The following DHX29 variants were observed in gnomAD, a reference collection of about 807,000 sequenced individuals.
DHX29 encodes ATP-dependent RNA helicase DHX29.
DHX29 carries 79 observed loss-of-function variants against 167.9 expected under a neutral mutation model. That is an observed-to-expected ratio of 0.47 (90% CI 0.39 to 0.57). The LOEUF (loss-of-function observed/expected upper bound fraction) is 0.57. Ranked by LOEUF, DHX29 falls within the 20% of genes least tolerant of loss-of-function variation. DHX29 has a pLI of 0.00. For missense variants in DHX29, 1,347 were observed against 1,593.4 expected (o/e 0.85, Z 2.63); for synonymous variants, 530 against 546.0 (o/e 0.97, Z 0.41).
chr5:55,259,365 T>C (rs899201460), intron 26 of DHX29, among the ~76,000 whole-genome samples: 1 of 152,178 alleles, frequency 6.6e-6, no homozygotes, highest in African/African-American at 2.4e-5. Flanking sequence ...ATAAAGTAGA[T>C]GGGATTTTTT....
intron 22 of DHX29, among the ~76,000 whole-genome samples, 172 bp downstream of exon 22, chr5:55,267,514 G>A (rs1408815302): frequency 2.0e-5 from 3 of 151,974 alleles, no homozygotes; most frequent in Non-Finnish European, 4.4e-5. Context: ...TAAGTTTTAG[G>A]AAGGATTATA....
intron 1 of DHX29, among the ~76,000 whole-genome samples, chr5:55,302,592 C>CAAA (rs3990285): frequency 8.8e-5 from 6 of 68,296 alleles, no homozygotes; most frequent in East Asian, 3.7e-4. Flanking sequence ...GTGACCCTAT[C>CAAA]AAAAAAAAAA....
Position 55,289,326 on chromosome 5 carries a change from C to T in DHX29, c.1010G>A (p.Ser337Asn), listed in dbSNP as rs761747420. The T allele has an allele frequency of 6.3e-6, 10 of 1,594,050 alleles. No homozygotes were observed. The African/African-American group carries it at 1.2e-4, about 20-fold the overall frequency. Residue 337 changes from serine to asparagine, a missense_variant, in exon 8 of 27, where the codon AGT (serine) becomes AAT (asparagine). This residue lies in a region of DHX29 where 405 missense variants were observed against 416.8 expected (regional missense o/e 0.97). Transcript: ENST00000251636. ...KKPPVATEGESALNFNLFEKS... is the reference protein window; with the variant it reads ...KKPPVATEGENALNFNLFEKS... ...TTCAAATAAATTAAAATTCAATGCA[C>T]TTTCTCCTTCTGTGGCTACAGGAGG...
At chr5:55,293,345 G>T (rs917371322) in intron 6 of DHX29, among the ~76,000 whole-genome samples, 1 of 152,128 alleles carries the variant, frequency 6.6e-6, no homozygotes, top group Non-Finnish European at 1.5e-5. Flanking sequence ...TATGAGAAAG[G>T]ACCAGTTTTC....
chr5:55,297,206 A>G (rs1401533959), intron 3 of DHX29, 79 bp downstream of exon 3: 1 of 674,256 alleles, frequency 1.5e-6, no homozygotes, highest in African/African-American at 1.8e-5. Context: ...GAAGTTGTAA[A>G]GCCATTTTTA....
intron 8 of DHX29, 112 bp downstream of exon 8, chr5:55,289,158 C>T (rs1427863309): frequency 5.9e-6 from 7 of 1,191,174 alleles, no homozygotes; most frequent in Non-Finnish European, 7.7e-6. Context: ...TGTAACTTCA[C>T]TGCCATCTTA....
chr5:55,259,543 G>A lies in DHX29; in HGVS notation c.4057+305C>T, dbSNP rs146432126. On this transcript the variant is annotated intron_variant, in intron 26 of 26. Coordinates refer to ENST00000251636, the MANE Select transcript of DHX29 (RefSeq NM_019030.4). ...GATCTTGGCGCTCACTGCAACCTAC[G>A]CCTCTCAGGTTCAAGTGATTCTTGT... 2.5e-3 allele frequency among the ~76,000 whole-genome samples: 383 copies of A among 152,144 alleles called. 12 individuals carry two copies. The East Asian group carries it at 0.07, about 28-fold the overall frequency.
intron 25 of DHX29, among the ~76,000 whole-genome samples, chr5:55,260,711 T>TC (rs1052594750): frequency 3.3e-5 from 5 of 152,204 alleles, no homozygotes; most frequent in Admixed American, 1.3e-4. Flanking sequence ...ACCTCTCCAG[T>TC]CCTAGACAAA....
At chr5:55,277,353 A>C in intron 12 of DHX29, 71 bp from the exon 13 acceptor site, 1 of 998,452 alleles carries the variant, frequency 1.0e-6, no homozygotes, top group Non-Finnish European at 1.4e-6. Flanking sequence ...TTGAACAATC[A>C]GACACCCAGA....
chr5:55,294,837 C>A, intron 5 of DHX29: 1 of 152,414 alleles, frequency 6.6e-6, no homozygotes, highest in Non-Finnish European at 1.5e-5. Flanking sequence ...TTTTCTTCCA[C>A]AGACTCTGGG....
chr5:55,276,636 T>C (rs1201816471), intron 13 of DHX29, among the ~76,000 whole-genome samples: 1 of 152,150 alleles, frequency 6.6e-6, no homozygotes, highest in African/African-American at 2.4e-5. Context: ...TATACACATA[T>C]AATGTGAAAC....
intron 8 of DHX29, among the ~76,000 whole-genome samples, chr5:55,288,061 G>A: frequency 6.6e-6 from 1 of 151,276 alleles, no homozygotes; most frequent in East Asian, 1.9e-4. Flanking sequence ...TGGTCAACAT[G>A]GCGAAACCCC....
intron 26 of DHX29, among the ~76,000 whole-genome samples, chr5:55,257,764 C>T (rs1467601860): frequency 2.0e-5 from 3 of 152,206 alleles, no homozygotes; most frequent in African/African-American, 7.2e-5. Context: ...CTACACCCAA[C>T]TTGGTAAGTT....
rs1747161900 is a variant in DHX29, at chr5:55,277,256, G to A, written c.2136C>T (p.Asp712=). The change falls in exon 13 of 27, where the codon GAC becomes GAT. Residue 712 remains aspartate, a synonymous_variant. Transcript: ENST00000251636. The stretch of plus-strand genomic sequence containing the variant: ...TTTCCTTCAAGATAATTAGTAGGAA[G>A]TCTGACTGGACACTTCTTTCATGAA... ...DEVHERSVQS[D]FLLIILKEIL... The A allele has an allele frequency of 7.5e-6, 12 of 1,607,752 alleles. No homozygotes were observed. The highest frequency in any genetic ancestry group is 1.3e-5 in the African/African-American group (1 of 74,772).
chr5:55,268,570 G>T (rs1051683133), intron 21 of DHX29, among the ~76,000 whole-genome samples: 3 of 151,964 alleles, frequency 2.0e-5, no homozygotes, highest in African/African-American at 7.3e-5. Context: ...GTCTACAGGG[G>T]TGCACCACCA....
rs1435868066 is a variant in DHX29, at chr5:55,277,371, A to T, written c.2110-89T>A. On this transcript the variant is annotated intron_variant, in intron 12 of 26. Coordinates refer to ENST00000251636, the MANE Select transcript of DHX29 (RefSeq NM_019030.4). ...AACAATCAGACACCCAGATTTACTA[A>T]AAGTTATTCAATATCTAAGTACAGT... The T allele has an allele frequency of 3.6e-6, 3 of 826,896 alleles. No homozygotes were observed. In the African/African-American group the frequency reaches 5.2e-5, roughly 14 times the overall value. The allele number at this position is 826,896 out of a possible 1,614,324, so 51.2% of individuals were successfully genotyped here.
At chr5:55,291,778 CT>C (rs930704624) in intron 6 of DHX29, among the ~76,000 whole-genome samples, 3 of 152,156 alleles carry the variant, frequency 2.0e-5, no homozygotes, top group Non-Finnish European at 4.4e-5. Flanking sequence ...TGGTATCTGT[CT>C]TTTTGTGATT....
At position 55,297,266 on chromosome 5, in the gene DHX29, TA is replaced by T; in HGVS notation, c.375+18del. 2 of 1,238,562 alleles carry T rather than the reference TA, an allele frequency of 1.6e-6. No homozygotes were observed. Among genetic ancestry groups the T allele is most frequent in the Non-Finnish European group, 2.4e-6 (2 of 843,916 alleles). 76.7% of individuals were successfully genotyped at this position (1,238,562 alleles called of 1,614,324 possible). A position where few individuals can be genotyped will look rare whatever the true frequency, so the allele number is the denominator to read the frequency against. ...ATGCTTCACTAAAACTAAGGAACTT[TA>T]AAAAGTTTGCAAAATACCTGCAATT... On this transcript the variant is annotated intron_variant, in intron 3 of 26. Transcript: ENST00000251636.
intron 11 of DHX29, among the ~76,000 whole-genome samples, chr5:55,282,742 A>AT (rs969311272): frequency 1.1e-4 from 17 of 149,224 alleles, no homozygotes; most frequent in South Asian, 8.5e-4. Context: ...TATTTTTCTC[A>AT]TTTTTTTTTT....
Sources: gnomAD v4.1 joint callset for allele counts (sites outside exome capture counted in the v4.1 genomes callset) on GRCh38, gnomAD v4.1.1 for gene constraint, gnomAD v4.1.1 regional missense constraint, MANE v1.5 for transcripts, NCBI Gene and HGNC (gene_info 2026-07-23, HGNC 2026-07-21) for gene names.